The following CCDC148 variants were observed in gnomAD, a reference collection of about 807,000 sequenced individuals.
CCDC148 encodes the protein coiled-coil domain containing 148, also known as coiled-coil domain-containing protein 148.
CCDC148 carries 89 observed loss-of-function variants against 85.7 expected under a neutral mutation model. That is an observed-to-expected ratio of 1.04 (90% confidence interval 0.87 to 1.24). CCDC148 has a LOEUF of 1.24. Ranked by LOEUF, CCDC148 falls within the 50% of genes most tolerant of loss-of-function variation. CCDC148 has a pLI of 0.00. For synonymous variants in CCDC148, 230 were observed against 213.9 expected, an observed-to-expected ratio of 1.08 and a Z score of -0.66; for missense variants, 692 against 671.7, an observed-to-expected ratio of 1.03 and a Z score of -0.33.
chr2:158,328,142 T>C (rs1017454078), intron 7 of CCDC148, among the ~76,000 whole-genome samples: 2 of 152,084 alleles, frequency 1.3e-5, no homozygotes, highest in Non-Finnish European at 2.9e-5. Flanking sequence ...ATTAGGTATA[T>C]CACCTAATGC....
intron 7 of CCDC148, among the ~76,000 whole-genome samples, chr2:158,316,902 C>A (rs1041264175): frequency 6.6e-6 from 1 of 152,154 alleles, no homozygotes; most frequent in Non-Finnish European, 1.5e-5. Context: ...AAAATAAAAT[C>A]AGATTCAATA....
At chr2:158,394,131 T>C in intron 1 of CCDC148, among the ~76,000 whole-genome samples, 1 of 152,080 alleles carries the variant, frequency 6.6e-6, no homozygotes, top group East Asian at 1.9e-4. Flanking sequence ...ACAACCACTG[T>C]CCATCAGTTT....
intron 9 of CCDC148, among the ~76,000 whole-genome samples, chr2:158,252,426 C>T (rs1347067856): frequency 6.6e-6 from 1 of 151,642 alleles, no homozygotes; most frequent in African/African-American, 2.4e-5. Flanking sequence ...TGCTTTCAAA[C>T]CTTTCCTTTC....
chr2:158,441,724 T>C (rs1687940170), intron 1 of CCDC148, among the ~76,000 whole-genome samples: 1 of 152,182 alleles, frequency 6.6e-6, no homozygotes, highest in East Asian at 1.9e-4. Context: ...CTTTTGTCAA[T>C]ATTGTTTAGT....
intron 1 of CCDC148, chr2:158,366,147 G>T (rs1684194244): frequency 3.4e-6 from 4 of 1,165,516 alleles, no homozygotes; most frequent in Admixed American, 2.8e-5. Flanking sequence ...TGTGTTACTT[G>T]AAGTATTTTT....
intron 9 of CCDC148, among the ~76,000 whole-genome samples, chr2:158,278,352 C>G (rs753813791): frequency 2.0e-5 from 3 of 152,092 alleles, no homozygotes; most frequent in South Asian, 2.1e-4. Flanking sequence ...CGAAAGGGAT[C>G]AGAGAGTGCC....
chr2:158,410,000 T>C (rs1483678246), intron 1 of CCDC148, among the ~76,000 whole-genome samples: 1 of 152,214 alleles, frequency 6.6e-6, no homozygotes, highest in Non-Finnish European at 1.5e-5. Context: ...TTTCACTTTC[T>C]GCCATGATTG....
intron 9 of CCDC148, among the ~76,000 whole-genome samples, chr2:158,296,395 T>C (rs1174545008): frequency 6.6e-6 from 1 of 152,046 alleles, no homozygotes; most frequent in Non-Finnish European, 1.5e-5. Context: ...TGTGGATCTA[T>C]TTCTGGACTC....
intron 11 of CCDC148, 27 bp downstream of exon 11, chr2:158,220,568 A>G (rs1238783676): frequency 6.6e-7 from 1 of 1,517,252 alleles, no homozygotes; most frequent in Admixed American, 1.8e-5. Context: ...CACCTCCATT[A>G]CCACACAATT....
intron 1 of CCDC148, among the ~76,000 whole-genome samples, chr2:158,391,779 G>C (rs1685319091): frequency 6.6e-6 from 1 of 152,144 alleles, no homozygotes; most frequent in Non-Finnish European, 1.5e-5. Flanking sequence ...TCATTTATCA[G>C]AAAATAGCTT....
chr2:158,448,110 A>G (rs1688235567), intron 1 of CCDC148, among the ~76,000 whole-genome samples: 2 of 152,106 alleles, frequency 1.3e-5, no homozygotes, highest in Admixed American at 6.5e-5. Context: ...CAATTATTCC[A>G]GTAGTATTTC....
chr2:158,282,089 A>G (rs1381407435), intron 9 of CCDC148, among the ~76,000 whole-genome samples: 1 of 151,652 alleles, frequency 6.6e-6, no homozygotes, highest in East Asian at 1.9e-4. Flanking sequence ...GCTTCATGCT[A>G]AAAACTCTCA....
chr2:158,183,805 G>A (rs1030887840), intron 11 of CCDC148, among the ~76,000 whole-genome samples: 1 of 152,100 alleles, frequency 6.6e-6, no homozygotes, highest in African/African-American at 2.4e-5. Context: ...CTACTATCAG[G>A]TGTTTCAGTG....
intron 9 of CCDC148, among the ~76,000 whole-genome samples, chr2:158,281,669 T>A (rs896322660): frequency 4.6e-5 from 7 of 152,158 alleles, no homozygotes; most frequent in African/African-American, 1.7e-4. Flanking sequence ...CAGGACCAGA[T>A]GGATTCACAG....
chr2:158,244,742 T>C (rs1420053093), intron 10 of CCDC148, among the ~76,000 whole-genome samples: 6 of 152,108 alleles, frequency 3.9e-5, no homozygotes, highest in Non-Finnish European at 7.4e-5. Context: ...TCTGACCCAA[T>C]CGTGGGAGTA....
chr2:158,427,289 A>G (rs1408275016), intron 1 of CCDC148, among the ~76,000 whole-genome samples: 1 of 152,132 alleles, frequency 6.6e-6, no homozygotes, highest in African/African-American at 2.4e-5. Flanking sequence ...ATAAATGGAA[A>G]CCACTGAGTA....
intron 9 of CCDC148, among the ~76,000 whole-genome samples, chr2:158,286,747 C>A (rs1690644148): frequency 6.6e-6 from 1 of 151,868 alleles, no homozygotes; most frequent in Non-Finnish European, 1.5e-5. Flanking sequence ...ACAGAGCTTA[C>A]AATAAAAGGT....
chr2:158,244,238 C>G (rs999016220), intron 10 of CCDC148, among the ~76,000 whole-genome samples: 2 of 152,120 alleles, frequency 1.3e-5, no homozygotes, highest in African/African-American at 4.8e-5. Context: ...CATTTCACTT[C>G]CAGATACTAA....
At chr2:158,418,277 TC>T (rs958420970) in intron 1 of CCDC148, among the ~76,000 whole-genome samples, 9 of 152,146 alleles carry the variant, frequency 5.9e-5, no homozygotes, top group African/African-American at 2.2e-4. Flanking sequence ...AAGGAATCTT[TC>T]CATTCTAAAA....
Sources: gnomAD v4.1 joint callset for allele counts (sites outside exome capture counted in the v4.1 genomes callset) on GRCh38, gnomAD v4.1.1 for gene constraint, MANE v1.5 for transcripts, NCBI Gene and HGNC (gene_info 2026-07-23, HGNC 2026-07-21) for gene names.